The following TMEM198 variants were observed in gnomAD, a reference collection of about 807,000 sequenced individuals.
TMEM198 encodes the protein transmembrane protein 198.
A neutral mutation model predicts 31.5 loss-of-function variants in TMEM198; 21 were observed. That is an observed-to-expected ratio of 0.67 (90% CI 0.47 to 0.96). The LOEUF (loss-of-function observed/expected upper bound fraction) is 0.96, where lower values mean the gene tolerates loss of function less well. Among genes scored for constraint, TMEM198 ranks in the 40% least tolerant of loss-of-function variants. The pLI, the probability that TMEM198 is intolerant of heterozygous loss-of-function variation, is 0.00. For missense variants in TMEM198, 447 were observed against 499.4 expected (o/e 0.89, Z 1.00); for synonymous variants, 211 against 223.3 (o/e 0.95, Z 0.49).
chr2:219,546,603 T>C (rs533230787), intron 2 of TMEM198, among the ~76,000 whole-genome samples: 1 of 152,270 alleles, frequency 6.6e-6, no homozygotes, highest in East Asian at 1.9e-4. Context: ...CTCTCGATGA[T>C]TCTATTTCTG....
rs186053360 is a variant in TMEM198, at chr2:219,546,281, A to G, written c.167-1225A>G. Reference sequence around the variant, plus strand: ...ACTATTCAGAATCTCCACTTCCCTCACCCTTTCAAGTATCTCTAATGGGCC... The same window carrying G: ...ACTATTCAGAATCTCCACTTCCCTCGCCCTTTCAAGTATCTCTAATGGGCC... On this transcript the variant is annotated intron_variant, in intron 2 of 4. Coordinates refer to ENST00000373883, the MANE Select transcript of TMEM198 (RefSeq NM_001005209.3). 2.4e-3 allele frequency among the ~76,000 whole-genome samples: 369 copies of G among 151,712 alleles called. 2 individuals carry two copies. Among genetic ancestry groups the G allele is most frequent in the Non-Finnish European group, 4.1e-3 (276 of 67,900 alleles).
rs1695519184 is a variant in TMEM198, at chr2:219,549,990, A to G, written c.*136A>G. The G allele has an allele frequency of 8.2e-7, 1 of 1,219,680 alleles. No homozygotes were observed. The highest frequency in any genetic ancestry group is 1.1e-6 in the Non-Finnish European group (1 of 884,934). The allele number at this position is 1,219,680 out of a possible 1,614,324, so 75.6% of individuals were successfully genotyped here. ...AGGGCTGGCCTGGTCACTAGAAGGG[A>G]GGATTGTCTCAGGCGAGTCTTGGCC... On this transcript the variant is annotated 3_prime_UTR_variant, in exon 5 of 5. Coordinates refer to ENST00000373883, the MANE Select transcript of TMEM198 (RefSeq NM_001005209.3).
chr2:219,544,246 C>T lies in TMEM198; in HGVS notation c.-171C>T. 2.1e-6 allele frequency: 1 copy of T among 467,376 alleles called. No homozygotes were observed. Among genetic ancestry groups the T allele is most frequent in the Non-Finnish European group, 4.4e-6 (1 of 227,600 alleles). The allele number at this position is 467,376 out of a possible 1,614,324, so 29.0% of individuals were successfully genotyped here. On this transcript the variant is annotated 5_prime_UTR_variant, in exon 1 of 5. An upstream open reading frame in the 5' UTR gains an earlier in-frame stop. Coordinates refer to ENST00000373883, the MANE Select transcript of TMEM198 (RefSeq NM_001005209.3). ...GCCGACACCATTCTCTCCGGCCCAGCAGCCCCCTTCCTCGCACGACGGACT... is the reference window on the plus strand; with the variant it reads ...GCCGACACCATTCTCTCCGGCCCAGTAGCCCCCTTCCTCGCACGACGGACT...
At position 219,547,912 on chromosome 2, in the gene TMEM198, C is replaced by T. The variant is rs373880790; in HGVS notation, c.573C>T (p.Phe191=). The T allele has an allele frequency of 9.4e-6, 15 of 1,595,972 alleles. No homozygotes were observed. The highest frequency in any genetic ancestry group is 6.7e-5 in the African/African-American group (5 of 74,838). The part of the protein sequence containing the change: ...AALIATAADY[F]AELLLLGRYV... ...TGATCGCCACTGCCGCTGACTACTT[C>T]GCCGAGCTGCTACTGCTGGGGCGCT... Residue 191 remains phenylalanine (F), a synonymous_variant, in exon 3 of 5, where the codon TTC becomes TTT. Coordinates refer to ENST00000373883, the MANE Select transcript of TMEM198 (RefSeq NM_001005209.3).
chr2:219,548,222 A>G (rs1234259172), intron 3 of TMEM198, 141 bp downstream of exon 3: 1 of 787,726 alleles, frequency 1.3e-6, no homozygotes, highest in African/African-American at 1.7e-5. Flanking sequence ...GTCTGGGAGG[A>G]TAGCACCCAG....
intron 1 of TMEM198, 106 bp downstream of exon 1, chr2:219,544,483 T>C: frequency 1.7e-6 from 1 of 593,144 alleles, no homozygotes; most frequent in Non-Finnish European, 3.1e-6. Context: ...CCCGTCCCTC[T>C]TTTAACTTCA....
chr2:219,543,991 C>A (rs1695337103), upstream of TMEM198: 1 of 353,104 alleles, frequency 2.8e-6, no homozygotes, highest in Non-Finnish European at 5.6e-6. Context: ...ACGTCAGAAG[C>A]AGCCCGCCCC....
At chr2:219,549,434 G>C (rs1042398248) in intron 4 of TMEM198, 80 bp downstream of exon 4, 4 of 1,494,830 alleles carry the variant, frequency 2.7e-6, no homozygotes, top group South Asian at 1.3e-5. Context: ...CTTTCCCCAC[G>C]GGCTGGTTGC....
chr2:219,548,155 G>C, intron 3 of TMEM198, 74 bp downstream of exon 3: 1 of 1,341,252 alleles, frequency 7.5e-7, no homozygotes, highest in Non-Finnish European at 9.9e-7. Flanking sequence ...AAGTGACTGG[G>C]GAGTGGGGGA....
rs1210683116 is a variant in TMEM198, at chr2:219,547,486, T to C, written c.167-20T>C. On this transcript the variant is annotated intron_variant, in intron 2 of 4. Transcript: ENST00000373883. ...TGGTGCCCTCATCTTGGCCCCTCAC[T>C]AGCCCCTGTTCCCCTCCAGGTTACC... The C allele has an allele frequency of 2.1e-6, 3 of 1,404,074 alleles. No individual in the cohort carries two copies. The highest frequency in any genetic ancestry group is 2.6e-5 in the East Asian group (1 of 38,676). The allele number at this position is 1,404,074 out of a possible 1,614,324, so 87.0% of individuals were successfully genotyped here.
chr2:219,546,169 C>T (rs989351230), intron 2 of TMEM198, among the ~76,000 whole-genome samples: 1 of 152,126 alleles, frequency 6.6e-6, no homozygotes, highest in Non-Finnish European at 1.5e-5. Flanking sequence ...ATACTTCCCC[C>T]CACTCCTGGA....
At chr2:219,544,616 C>A in intron 1 of TMEM198, 73 bp from the exon 2 acceptor site, 1 of 1,303,966 alleles carries the variant, frequency 7.7e-7, no homozygotes, top group South Asian at 1.3e-5. Flanking sequence ...GCTGAGTTCT[C>A]CCAATCCCTC....
chr2:219,546,641 A>G (rs549314237), intron 2 of TMEM198, among the ~76,000 whole-genome samples: 1 of 151,476 alleles, frequency 6.6e-6, no homozygotes, highest in African/African-American at 2.4e-5. Context: ...CAAATACCTC[A>G]TTTTCTGGGA....
chr2:219,543,774 C>T, upstream of TMEM198: 1 of 465,698 alleles, frequency 2.1e-6, no homozygotes, highest in East Asian at 3.5e-5. Flanking sequence ...GCACTGGAGC[C>T]TCAGCCGCGG....
chr2:219,549,455 G>T (rs191902746), intron 4 of TMEM198, 101 bp downstream of exon 4: 4 of 1,414,676 alleles, frequency 2.8e-6, no homozygotes, highest in Non-Finnish European at 3.8e-6. Context: ...TATCTAGAAG[G>T]CCTGTTTGTC....
At chr2:219,543,733 T>C (rs1016894891), upstream of TMEM198, 3 of 432,364 alleles carry the variant, frequency 6.9e-6, no homozygotes, top group African/African-American at 4.2e-5. Context: ...CTCCAGCAGC[T>C]GCTCTGGGCT....
intron 2 of TMEM198, chr2:219,547,246 C>T: frequency 2.7e-6 from 1 of 372,774 alleles, no homozygotes; most frequent in African/African-American, 2.1e-5. Context: ...CTCCTGTGAT[C>T]CTCAAATACA....
chr2:219,549,496 A>G (rs1695489015), intron 4 of TMEM198, 142 bp downstream of exon 4: 4 of 1,261,396 alleles, frequency 3.2e-6, no homozygotes, highest in Middle Eastern at 2.7e-4. Flanking sequence ...ATCGGAGCCC[A>G]TGCACCAGGG....
intron 3 of TMEM198, among the ~76,000 whole-genome samples, chr2:219,548,502 G>A (rs1695442603): frequency 6.6e-6 from 1 of 152,192 alleles, no homozygotes; most frequent in African/African-American, 2.4e-5. Context: ...TGAAGGAGGT[G>A]ATATGTAAGC....
Sources: gnomAD v4.1 joint callset for allele counts (sites outside exome capture counted in the v4.1 genomes callset) on GRCh38, gnomAD v4.1.1 for gene constraint, MANE v1.5 for transcripts, NCBI Gene and HGNC (gene_info 2026-07-23, HGNC 2026-07-21) for gene names.